Variants in PRELID2 observed in about 807,000 individuals in gnomAD.
The protein encoded by PRELID2 is PRELI domain-containing protein 2.
Under a neutral mutation model 28.4 loss-of-function variants are expected in PRELID2, and 25 were observed. That is an observed-to-expected ratio of 0.88 (90% CI 0.64 to 1.23). The LOEUF is 1.23. PRELID2 is among the 50% of genes most tolerant of loss of function. The pLI, the probability that PRELID2 is intolerant of heterozygous loss-of-function variation, is 0.00. For synonymous variants in PRELID2, 76 were observed against 71.6 expected (o/e 1.06, Z -0.31); for missense variants, 201 against 214.4 (o/e 0.94, Z 0.39).
chr5:145,281,277 T>C, the PRELID2 span, among the ~76,000 whole-genome samples: 10 of 152,210 alleles, frequency 6.6e-5, no homozygotes, highest in African/African-American at 2.4e-4. Context: ...ATCAACTGTT[T>C]ATCTCTCAGA....
Position 145,790,095 on chromosome 5 carries a change from C to CA in PRELID2, c.474+6346dup, listed in dbSNP as rs1001570588. Among the ~76,000 whole-genome samples, 12 of 152,158 alleles carry CA rather than the reference C, an allele frequency of 7.9e-5. 1 individual carries two copies. The highest frequency in any genetic ancestry group is 2.9e-4 in the African/African-American group (12 of 41,528). On this transcript the variant is annotated intron_variant, in intron 5 of 6. Coordinates refer to ENST00000683046, the MANE Select transcript of PRELID2 (RefSeq NM_205846.3). Reference sequence around the variant, plus strand: ...TATGGAAAACTATATGAAAGTTCCTCAAAAAACACAAAATAGAACTACCAT... The same window carrying CA: ...TATGGAAAACTATATGAAAGTTCCTCAAAAAAACACAAAATAGAACTACCAT...
chr5:145,293,994 A>C, the PRELID2 span, among the ~76,000 whole-genome samples: 1 of 152,148 alleles, frequency 6.6e-6, no homozygotes, highest in Non-Finnish European at 1.5e-5. Flanking sequence ...CCAGAGCTTC[A>C]AGTTGTGTCA....
At chr5:145,776,824 T>G (rs935004357) in intron 5 of PRELID2, among the ~76,000 whole-genome samples, 2 of 152,272 alleles carry the variant, frequency 1.3e-5, no homozygotes, top group African/African-American at 4.8e-5. Context: ...ATATTCGTTG[T>G]ATGATTTGGT....
intron 2 of PRELID2, 83 bp from the exon 3 acceptor site, chr5:145,820,101 G>GT (rs1193742035): frequency 2.7e-6 from 2 of 745,526 alleles, no homozygotes; most frequent in Non-Finnish European, 4.3e-6. Context: ...CGGGGGTGGG[G>GT]TTTTTTTGTT....
the PRELID2 span, among the ~76,000 whole-genome samples, chr5:145,337,376 C>T: frequency 6.6e-6 from 1 of 151,790 alleles, no homozygotes; most frequent in African/African-American, 2.4e-5. Flanking sequence ...TCAGCAAACA[C>T]CAGCTTGGTG....
intron 5 of PRELID2, among the ~76,000 whole-genome samples, chr5:145,784,154 C>T (rs1279835551): frequency 1.3e-5 from 2 of 150,344 alleles, no homozygotes; most frequent in Non-Finnish European, 2.9e-5. Flanking sequence ...CATGGTGGTG[C>T]ACACCTGTAG....
the PRELID2 span, chr5:145,229,981 C>T: frequency 1.7e-4 from 123 of 738,380 alleles, no homozygotes; most frequent in East Asian, 3.1e-3. Context: ...ATTGATGACA[C>T]CGGGTTCATC....
chr5:145,418,551 T>C, the PRELID2 span, among the ~76,000 whole-genome samples: 5 of 151,994 alleles, frequency 3.3e-5, no homozygotes, highest in Non-Finnish European at 5.9e-5. Context: ...AACAGATGCA[T>C]AGACCAATGG....
chr5:145,478,079 G>T (rs1752119864), intron 1 of PRELID2, among the ~76,000 whole-genome samples: 1 of 152,070 alleles, frequency 6.6e-6, no homozygotes, highest in Non-Finnish European at 1.5e-5. Context: ...TTCAAGATTT[G>T]GTTCCTTTCT....
chr5:145,544,788 T>C (rs1752772042), intron 1 of PRELID2, among the ~76,000 whole-genome samples: 2 of 152,134 alleles, frequency 1.3e-5, no homozygotes, highest in African/African-American at 2.4e-5. Flanking sequence ...TCAAATCTTC[T>C]TTCTCTCTAA....
intron 5 of PRELID2, among the ~76,000 whole-genome samples, chr5:145,768,838 C>A (rs948529696): frequency 2.0e-5 from 3 of 151,804 alleles, no homozygotes; most frequent in Admixed American, 2.0e-4. Flanking sequence ...TTCCCTTTTT[C>A]CCCCCCTCTC....
At chr5:145,389,893 T>C in the PRELID2 span, among the ~76,000 whole-genome samples, 1 of 152,202 alleles carries the variant, frequency 6.6e-6, no homozygotes, top group African/African-American at 2.4e-5. Context: ...AAAAATACTT[T>C]CTTAAAATTA....
At chr5:145,418,440 C>T in the PRELID2 span, among the ~76,000 whole-genome samples, 1 of 152,062 alleles carries the variant, frequency 6.6e-6, no homozygotes, top group East Asian at 1.9e-4. Flanking sequence ...CAAGACAATC[C>T]TAAGCAAAAA....
chr5:145,680,329 G>T (rs1386331366), intron 1 of PRELID2, among the ~76,000 whole-genome samples: 1 of 152,240 alleles, frequency 6.6e-6, no homozygotes, highest in African/African-American at 2.4e-5. Flanking sequence ...CTTTGTGGAT[G>T]ATGTAGAACT....
At chr5:145,286,028 C>A in the PRELID2 span, among the ~76,000 whole-genome samples, 5 of 152,092 alleles carry the variant, frequency 3.3e-5, no homozygotes, top group Non-Finnish European at 1.5e-5. Context: ...AACCAGTTAG[C>A]CATTTGGCTG....
At chr5:145,668,934 A>G (rs1352857128) in intron 1 of PRELID2, among the ~76,000 whole-genome samples, 1 of 152,008 alleles carries the variant, frequency 6.6e-6, no homozygotes, top group East Asian at 1.9e-4. Flanking sequence ...GTTCTTTTCT[A>G]TTTCTCAGCT....
chr5:145,627,124 AAAAAAAAAAAAAAAAAAAAAAAT>A (rs1423138007), intron 1 of PRELID2, among the ~76,000 whole-genome samples: 6 of 108,224 alleles, frequency 5.5e-5, no homozygotes, highest in African/African-American at 3.0e-4. Flanking sequence ...AAAAAAAAAA[AAAAAAAAAAAAAAAAAAAAAAAT>A]TTGTGTATAT....
chr5:145,616,501 G>A (rs1279704004), intron 1 of PRELID2, among the ~76,000 whole-genome samples: 1 of 152,076 alleles, frequency 6.6e-6, no homozygotes, highest in Non-Finnish European at 1.5e-5. Flanking sequence ...AAGGGACAAG[G>A]TACAAAAGAG....
chr5:145,293,784 A>G, the PRELID2 span, among the ~76,000 whole-genome samples: 3 of 152,220 alleles, frequency 2.0e-5, no homozygotes, highest in Non-Finnish European at 4.4e-5. Flanking sequence ...TTAGATCAAG[A>G]CAATGAGGCT....
Sources: gnomAD v4.1 joint callset for allele counts (sites outside exome capture counted in the v4.1 genomes callset) on GRCh38, gnomAD v4.1.1 for gene constraint, MANE v1.5 for transcripts, NCBI Gene and HGNC (gene_info 2026-07-23, HGNC 2026-07-21) for gene names.